Variants in DOCK11 observed in about 807,000 individuals in gnomAD.
DOCK11 encodes the protein dedicator of cytokinesis 11.
A neutral mutation model predicts 169.1 loss-of-function variants in DOCK11; 70 were observed. The ratio of observed to expected loss-of-function variants is 0.41; its 90% CI spans 0.34 to 0.51. The LOEUF (loss-of-function observed/expected upper bound fraction) is 0.51. Among genes scored for constraint, DOCK11 ranks in the 20% least tolerant of loss-of-function variants. The pLI is 0.10. For missense variants in DOCK11, 1,166 were observed against 1,538.8 expected, an observed-to-expected ratio of 0.76 and a Z score of 4.05; for synonymous variants, 529 against 541.3, an observed-to-expected ratio of 0.98 and a Z score of 0.32.
chrX:118,574,880 T>G (rs746205560), intron 12 of DOCK11, among the ~76,000 whole-genome samples: 1 of 111,687 alleles, frequency 9.0e-6, no homozygotes, highest in East Asian at 2.8e-4. Context: ...AACTGTTCCT[T>G]GGAATTCTGA....
intron 1 of DOCK11, among the ~76,000 whole-genome samples, chrX:118,537,893 A>G (rs918480771): frequency 9.0e-6 from 1 of 111,446 alleles, no homozygotes; most frequent in African/African-American, 3.3e-5. Flanking sequence ...AATTATCTCA[A>G]TTTATGGAGC....
intron 10 of DOCK11, among the ~76,000 whole-genome samples, chrX:118,570,728 T>A (rs1242468855): frequency 8.9e-6 from 1 of 112,255 alleles, no homozygotes; most frequent in African/African-American, 3.2e-5. Context: ...TCTGCTCAGA[T>A]CCACCCAATC....
intron 24 of DOCK11, 65 bp from the exon 25 acceptor site, chrX:118,608,007 T>C: frequency 1.0e-6 from 1 of 988,372 alleles, no homozygotes; most frequent in African/African-American, 1.9e-5. Flanking sequence ...CATGACGATC[T>C]TAAGAATCAA....
At chrX:118,672,578 G>A (rs1421262910) in intron 46 of DOCK11, among the ~76,000 whole-genome samples, 7 of 112,145 alleles carry the variant, frequency 6.2e-5, no homozygotes, top group Non-Finnish European at 1.9e-5. Context: ...GATTACAGGC[G>A]CCCGCCACCG....
intron 41 of DOCK11, among the ~76,000 whole-genome samples, chrX:118,650,607 C>T (rs1442659812): frequency 9.0e-6 from 1 of 111,690 alleles, no homozygotes; most frequent in African/African-American, 3.3e-5. Context: ...ATGTTAGAGT[C>T]AGCCATCATT....
intron 6 of DOCK11, among the ~76,000 whole-genome samples, chrX:118,556,011 A>G (rs1603059512): frequency 9.2e-6 from 1 of 108,626 alleles, no homozygotes; most frequent in Non-Finnish European, 1.9e-5. Context: ...GATTTGCTGT[A>G]TAAAATGATA....
At chrX:118,565,132 G>A (rs2013041042) in intron 7 of DOCK11, among the ~76,000 whole-genome samples, 1 of 109,238 alleles carries the variant, frequency 9.2e-6, no homozygotes, top group Admixed American at 9.9e-5. Context: ...GTAGAGATGA[G>A]GTTTCACCGC....
chrX:118,531,827 G>A (rs1390416688), intron 1 of DOCK11, among the ~76,000 whole-genome samples: 2 of 84,153 alleles, frequency 2.4e-5, no homozygotes, highest in African/African-American at 1.0e-4. Flanking sequence ...CCAAAGTGCT[G>A]TGATTAGAGG....
chrX:118,606,240 T>C (rs1304298426), intron 24 of DOCK11, among the ~76,000 whole-genome samples: 1 of 110,833 alleles, frequency 9.0e-6, no homozygotes, highest in African/African-American at 3.3e-5. Flanking sequence ...CGGTTAATTT[T>C]GTATTTTTAG....
At chrX:118,539,149 G>A (rs956779321) in intron 1 of DOCK11, among the ~76,000 whole-genome samples, 2 of 111,855 alleles carry the variant, frequency 1.8e-5, no homozygotes, top group Non-Finnish European at 3.8e-5. Context: ...AAAAGTAGGC[G>A]TGAAGACCCA....
Position 118,605,480 on chromosome X carries a change from A to G in DOCK11, c.2681+124A>G. The G allele has an allele frequency of 6.7e-6, 3 of 445,749 alleles. No individual in the cohort carries two copies. In the South Asian group the frequency reaches 1.2e-4, roughly 18 times the overall value. The allele number at this position is 445,749 out of a possible 1,213,427, so 36.7% of individuals were successfully genotyped here. A position where few individuals can be genotyped will look rare whatever the true frequency, so the allele number is the denominator to read the frequency against. On this transcript the variant is annotated intron_variant, in intron 24 of 52. Coordinates refer to ENST00000276202, the MANE Select transcript of DOCK11 (RefSeq NM_144658.4). The stretch of plus-strand genomic sequence containing the variant: ...GCTGTTGCATTCCATAGGTTTTGGT[A>G]TGTTGTGTTTTCATTGTCATTTGTC...
chrX:118,615,490 T>C, intron 29 of DOCK11, 110 bp from the exon 30 acceptor site: 1 of 567,657 alleles, frequency 1.8e-6, no homozygotes, highest in Non-Finnish European at 2.8e-6. Flanking sequence ...TCTCAAGGTA[T>C]GCTTAGAATA....
At chrX:118,521,177 G>T (rs1383023025) in intron 1 of DOCK11, among the ~76,000 whole-genome samples, 1 of 112,516 alleles carries the variant, frequency 8.9e-6, no homozygotes, top group Admixed American at 9.5e-5. Flanking sequence ...CTAAGTGACT[G>T]AGAATGAGCT....
intron 32 of DOCK11, 99 bp downstream of exon 32, chrX:118,624,754 C>CTTTT (rs368211104): frequency 7.3e-4 from 169 of 232,557 alleles, no homozygotes; most frequent in Non-Finnish European, 8.3e-4. Context: ...TAAGAGTTCA[C>CTTTT]TTTTTTTTTT....
At chrX:118,530,549 C>T (rs769874423) in intron 1 of DOCK11, among the ~76,000 whole-genome samples, 1 of 112,330 alleles carries the variant, frequency 8.9e-6, no homozygotes, top group Admixed American at 9.4e-5. Context: ...GTTCTGTACA[C>T]CCCAGAATCA....
chrX:118,599,118 C>T, intron 22 of DOCK11, 21 bp from the exon 23 acceptor site: 1 of 1,163,642 alleles, frequency 8.6e-7, no homozygotes, highest in Non-Finnish European at 1.2e-6. Flanking sequence ...TTTCATATGG[C>T]TGTTTCCATC....
intron 1 of DOCK11, among the ~76,000 whole-genome samples, chrX:118,498,267 G>A (rs1242594934): frequency 8.9e-6 from 1 of 112,435 alleles, no homozygotes. Context: ...TTATGAGAAT[G>A]CAAATGATCT....
intron 1 of DOCK11, among the ~76,000 whole-genome samples, chrX:118,526,468 G>C (rs762901684): frequency 1.8e-5 from 2 of 112,325 alleles, no homozygotes; most frequent in African/African-American, 6.5e-5. Context: ...GCCTTTGCCT[G>C]TTTGTCCGAT....
At chrX:118,659,469 T>C (rs754050964) in intron 44 of DOCK11, among the ~76,000 whole-genome samples, 2 of 112,209 alleles carry the variant, frequency 1.8e-5, no homozygotes, top group Non-Finnish European at 3.8e-5. Flanking sequence ...CAGCAACTTG[T>C]TTCATCTGAA....
Sources: allele counts gnomAD v4.1 joint callset (sites outside exome capture counted in the v4.1 genomes callset), GRCh38; gene constraint gnomAD v4.1.1; transcripts MANE v1.5; gene names NCBI Gene and HGNC (gene_info 2026-07-23, HGNC 2026-07-21).